The following INTS7 variants were observed in gnomAD, a reference collection of about 807,000 sequenced individuals.
The protein encoded by INTS7 is chromosome 1 open reading frame 73.
INTS7 carries 46 observed loss-of-function variants against 109.2 expected under a neutral mutation model. The observed-to-expected ratio is 0.42, with a 90% CI of 0.33 to 0.54. INTS7 has a LOEUF of 0.54. INTS7 is among the 20% of genes least tolerant of loss of function. The probability of loss-of-function intolerance (pLI) is 0.07; values close to 1 mark genes in which losing one functional copy is unlikely to be tolerated. For synonymous variants in INTS7, 412 were observed against 402.9 expected (o/e 1.02, Z -0.27); for missense variants, 929 against 1,132.4 (o/e 0.82, Z 2.58).
In INTS7 at chr1:212,035,408, C is replaced by T. The variant is rs1236310406; in HGVS notation, c.30G>A (p.Leu10=). The T allele has an allele frequency of 1.2e-5, 19 of 1,613,924 alleles. No homozygotes were observed. Among genetic ancestry groups the T allele is most frequent in the Non-Finnish European group, 1.6e-5 (19 of 1,179,860 alleles). The change falls in exon 1 of 20, where the codon CTG becomes CTA. Residue 10 remains leucine, a synonymous_variant. Coordinates refer to ENST00000366994, the MANE Select transcript of INTS7 (RefSeq NM_015434.4). MASNSTKSF[L]ADAGYGEQEL... ...CCTGTTCGCCATAGCCGGCATCTGC[C>T]AGGAAAGACTTAGTTGAGTTTGACG... is the stretch of plus-strand genomic sequence containing the variant.
At position 211,946,833 on chromosome 1, in the gene INTS7, A is replaced by G. The variant is rs1571837047; in HGVS notation, c.2317-128T>C. ...CAAAGGTACATACCAATCAAGAACT[A>G]GGCATCACATCCAGGAACTGTGCAT... On this transcript the variant is annotated intron_variant, in intron 17 of 19. Transcript: ENST00000366994. This position sits in a 1 kb window ranked among gnomAD's most constrained non-coding sequence, Gnocchi z 4.3. The G allele has an allele frequency of 5.3e-6, 3 of 570,324 alleles. No homozygotes were observed. Among genetic ancestry groups the G allele is most frequent in the Admixed American group, 3.2e-5 (1 of 31,270 alleles). The allele number at this position is 570,324 out of a possible 1,614,324, so 35.3% of individuals were successfully genotyped here.
At chr1:211,943,047 C>A (rs895605484) in intron 19 of INTS7, among the ~76,000 whole-genome samples, 3 of 152,228 alleles carry the variant, frequency 2.0e-5, no homozygotes, top group African/African-American at 7.2e-5. Context: ...CGTCACCAAC[C>A]AATTCAAGGT....
At position 211,990,330 on chromosome 1, in the gene INTS7, T is replaced by C. The variant is rs370993935; in HGVS notation, c.880-2327A>G. Among the ~76,000 whole-genome samples, 333 of 151,998 alleles carry C rather than the reference T, an allele frequency of 2.2e-3. 3 individuals are homozygous for C. Among genetic ancestry groups the C allele is most frequent in the African/African-American group, 7.5e-3 (312 of 41,478 alleles). On this transcript the variant is annotated intron_variant, in intron 7 of 19. Transcript: ENST00000366994. Reference sequence around the variant, plus strand: ...TAGATCTAGCTGCTAATATAAGATGTTCCCCCATATTAAGAGGTAAAAGGT... The same window carrying C: ...TAGATCTAGCTGCTAATATAAGATGCTCCCCCATATTAAGAGGTAAAAGGT...
chr1:211,950,134 G>C (rs1199415981), intron 17 of INTS7, among the ~76,000 whole-genome samples: 1 of 152,178 alleles, frequency 6.6e-6, no homozygotes, highest in Non-Finnish European at 1.5e-5. Context: ...TGGACAACTT[G>C]AGGGAAGATC....
intron 16 of INTS7, among the ~76,000 whole-genome samples, chr1:211,958,368 T>A (rs1003846691): frequency 3.3e-5 from 5 of 152,184 alleles, no homozygotes; most frequent in African/African-American, 1.2e-4. Flanking sequence ...TGATGAGAAA[T>A]CAGTAGATAT....
chr1:211,958,150 T>C (rs1339412519), intron 16 of INTS7, among the ~76,000 whole-genome samples: 1 of 152,144 alleles, frequency 6.6e-6, no homozygotes, highest in East Asian at 1.9e-4. Context: ...CTGAAATAAT[T>C]TTCCTTCAGC....
chr1:211,996,123 T>C (rs924287303), intron 7 of INTS7, among the ~76,000 whole-genome samples: 2 of 152,172 alleles, frequency 1.3e-5, no homozygotes, highest in African/African-American at 2.4e-5. Context: ...ACAGAGCTTA[T>C]AGAAAATATG....
intron 13 of INTS7, among the ~76,000 whole-genome samples, chr1:211,970,988 T>C (rs1485899517): frequency 6.6e-6 from 1 of 152,164 alleles, no homozygotes; most frequent in Non-Finnish European, 1.5e-5. Flanking sequence ...TTACTACCAG[T>C]AGCAATGCTT....
intron 8 of INTS7, among the ~76,000 whole-genome samples, chr1:211,983,136 T>A (rs1047101788): frequency 1.3e-5 from 2 of 152,158 alleles, no homozygotes; most frequent in African/African-American, 4.8e-5. Context: ...AAAACAGGTA[T>A]CATTATAGGC....
intron 7 of INTS7, among the ~76,000 whole-genome samples, chr1:211,998,138 T>C (rs1253512279): frequency 1.3e-5 from 2 of 151,808 alleles, no homozygotes; most frequent in Non-Finnish European, 2.9e-5. Context: ...TTTAAAATTA[T>C]TTTTTTTGTA....
chr1:211,963,029 T>C (rs532293395), intron 16 of INTS7, among the ~76,000 whole-genome samples: 26 of 152,178 alleles, frequency 1.7e-4, no homozygotes, highest in African/African-American at 4.1e-4. Flanking sequence ...CAGAGCTGAA[T>C]TGGAGACTGA....
chr1:212,010,456 G>C (rs927151042), intron 5 of INTS7, among the ~76,000 whole-genome samples: 9 of 152,124 alleles, frequency 5.9e-5, no homozygotes, highest in African/African-American at 2.2e-4. Flanking sequence ...AATGCAACTG[G>C]AAGACACTGG....
In INTS7 at chr1:212,006,744, C is replaced by G. The variant is rs766911931; in HGVS notation, c.774G>C (p.Gln258His). 9.4e-6 allele frequency: 15 copies of G among 1,603,454 alleles called. No homozygotes were observed. Among genetic ancestry groups the G allele is most frequent in the Non-Finnish European group, 1.3e-5 (15 of 1,173,662 alleles). Residue 258 changes from glutamine to histidine, a missense_variant, in exon 7 of 20, where the codon CAG becomes CAC. Physicochemically the swap from Gln to His is conservative, Grantham distance 24. Around this residue, in one of 2 missense-constraint regions of INTS7, gnomAD observed 787 missense variants for 901.1 expected, o/e 0.87. Transcript: ENST00000366994. The part of the protein sequence containing the change: ...DTPKQIQLLL[Q>H]YLKNDPRKAV... ...CCTTCCTGGGATCATTCTTCAAATA[C>G]TGCAACAGAAGCTGAATCTATAAAG... is the stretch of plus-strand genomic sequence containing the variant.
chr1:212,004,494 A>C (rs1665816521), intron 7 of INTS7, among the ~76,000 whole-genome samples: 1 of 152,246 alleles, frequency 6.6e-6, no homozygotes, highest in Non-Finnish European at 1.5e-5. Flanking sequence ...ATATCAGACG[A>C]AATAGACTAG....
intron 7 of INTS7, among the ~76,000 whole-genome samples, chr1:211,996,433 A>G (rs897812945): frequency 6.6e-6 from 1 of 152,076 alleles, no homozygotes; most frequent in African/African-American, 2.4e-5. Context: ...AAAACAAAGC[A>G]AAACAAAAAA....
At chr1:212,001,449 A>G (rs1480890070) in intron 7 of INTS7, among the ~76,000 whole-genome samples, 1 of 152,208 alleles carries the variant, frequency 6.6e-6, no homozygotes, top group African/African-American at 2.4e-5. Flanking sequence ...TATTTGAAAT[A>G]ATAATAAAAA....
At chr1:211,982,883 T>C in intron 8 of INTS7, 73 bp from the exon 9 acceptor site, 1 of 1,199,832 alleles carries the variant, frequency 8.3e-7, no homozygotes, top group Non-Finnish European at 1.2e-6. Flanking sequence ...ATAGGTTCAA[T>C]TTTCTTAATT....
chr1:211,991,613 C>T (rs1478124894), intron 7 of INTS7, among the ~76,000 whole-genome samples: 1 of 152,176 alleles, frequency 6.6e-6, no homozygotes, highest in Non-Finnish European at 1.5e-5. Context: ...AGTGAGGTAA[C>T]ATCTACTGTC....
intron 8 of INTS7, among the ~76,000 whole-genome samples, 194 bp from the exon 9 acceptor site, chr1:211,983,004 AAC>A (rs1030135723): frequency 3.3e-5 from 5 of 152,160 alleles, no homozygotes; most frequent in Non-Finnish European, 7.4e-5. Flanking sequence ...GGTATGTGCC[AAC>A]AGTTTCGTAA....
Sources: allele counts gnomAD v4.1 joint callset (sites outside exome capture counted in the v4.1 genomes callset), GRCh38; gene constraint gnomAD v4.1.1; regional missense constraint gnomAD v4.1.1; non-coding constraint Gnocchi (gnomAD v3.1); transcripts MANE v1.5; gene names NCBI Gene and HGNC (gene_info 2026-07-23, HGNC 2026-07-21).